Variants in ACTR10 observed in about 807,000 individuals in gnomAD.
ACTR10 encodes actin related protein 10.
In ACTR10, 43 loss-of-function variants were observed where a neutral mutation model predicts 56.2. That is an observed-to-expected ratio of 0.77 (90% CI 0.60 to 0.99). The LOEUF is 0.99. Among genes scored for constraint, ACTR10 ranks in the 50% least tolerant of loss-of-function variants. The pLI is 0.00. For synonymous variants in ACTR10, 170 were observed against 176.3 expected, an observed-to-expected ratio of 0.96 and a Z score of 0.28; for missense variants, 466 against 507.8, an observed-to-expected ratio of 0.92 and a Z score of 0.79.
intron 12 of ACTR10, among the ~76,000 whole-genome samples, chr14:58,233,666 G>T (rs1889598950): frequency 6.6e-6 from 1 of 152,128 alleles, no homozygotes; most frequent in African/African-American, 2.4e-5. Context: ...CCTAATCCCT[G>T]CATTGTTCAA....
At chr14:58,213,953 G>C (rs1311173265) in intron 6 of ACTR10, among the ~76,000 whole-genome samples, 1 of 152,174 alleles carries the variant, frequency 6.6e-6, no homozygotes, top group Non-Finnish European at 1.5e-5. Context: ...CATGCAATGA[G>C]AAATAAGCAC....
intron 8 of ACTR10, among the ~76,000 whole-genome samples, chr14:58,220,682 G>T (rs1300286789): frequency 6.6e-6 from 1 of 152,164 alleles, no homozygotes; most frequent in African/African-American, 2.4e-5. Context: ...ATTAGTCAGG[G>T]AGACATCAGA....
At position 58,223,607 on chromosome 14, in the gene ACTR10, T is replaced by C. The variant is rs936320763; in HGVS notation, c.635-15T>C. On this transcript the variant is annotated splice_polypyrimidine_tract_variant and intron_variant, in intron 8 of 12. Coordinates refer to ENST00000254286, the MANE Select transcript of ACTR10 (RefSeq NM_018477.3). The stretch of plus-strand genomic sequence containing the variant: ...AATAACTAGCCATAATAAGGTCTCC[T>C]TTTCTTCCTTAAAGCGCGTACTTGC... 3 of 1,601,380 alleles carry C rather than the reference T, an allele frequency of 1.9e-6. No individual in the cohort carries two copies. The highest frequency in any genetic ancestry group is 2.6e-6 in the Non-Finnish European group (3 of 1,174,684).
chr14:58,221,041 T>C (rs976856667), intron 8 of ACTR10, among the ~76,000 whole-genome samples: 2 of 152,040 alleles, frequency 1.3e-5, no homozygotes, highest in African/African-American at 2.4e-5. Context: ...CCCAGCACTT[T>C]GGGAGGCCGA....
intron 5 of ACTR10, among the ~76,000 whole-genome samples, chr14:58,212,335 G>A (rs1048461590): frequency 3.9e-5 from 6 of 152,142 alleles, no homozygotes; most frequent in Non-Finnish European, 7.4e-5. Context: ...ATTACTGACC[G>A]TATAAACTAG....
chr14:58,216,471 G>T (rs970590872), intron 7 of ACTR10, among the ~76,000 whole-genome samples: 1 of 152,136 alleles, frequency 6.6e-6, no homozygotes, highest in African/African-American at 2.4e-5. Flanking sequence ...TCTTTTGCTT[G>T]AGAATTTTTG....
intron 8 of ACTR10, among the ~76,000 whole-genome samples, chr14:58,221,447 A>G (rs997955019): frequency 6.6e-6 from 1 of 151,866 alleles, no homozygotes; most frequent in Non-Finnish European, 1.5e-5. Context: ...ACAAAAATTA[A>G]CCAGGTGTGG....
chr14:58,208,908 A>G, intron 3 of ACTR10, 91 bp from the exon 4 acceptor site: 2 of 767,066 alleles, frequency 2.6e-6, no homozygotes, highest in Non-Finnish European at 4.4e-6. Flanking sequence ...ATCTTAAGCT[A>G]AGGTAGTACA....
chr14:58,230,593 TCAA>T (rs1200551870), intron 11 of ACTR10, 113 bp downstream of exon 11: 3 of 449,856 alleles, frequency 6.7e-6, no homozygotes, highest in Non-Finnish European at 7.8e-6. Context: ...TTAATATGTG[TCAA>T]CAACTAATCT....
In ACTR10 at chr14:58,214,141, A is replaced by G. The variant is rs769937876; in HGVS notation, c.518+443A>G. Among the ~76,000 whole-genome samples the G allele has an allele frequency of 2.6e-4, 40 of 152,200 alleles. No individual in the cohort carries two copies. In the Middle Eastern group the frequency reaches 0.01, roughly 39 times the overall value. On this transcript the variant is annotated intron_variant, in intron 6 of 12. Coordinates refer to ENST00000254286, the MANE Select transcript of ACTR10 (RefSeq NM_018477.3). ...TTCTATTTTTTTGTACCCATTAATT[A>G]TCCTCACCTCCCTTGTATCCCTCCA...
intron 2 of ACTR10, among the ~76,000 whole-genome samples, chr14:58,203,298 G>A (rs576245936): frequency 7.8e-5 from 6 of 77,184 alleles, no homozygotes; most frequent in Non-Finnish European, 1.6e-4. Context: ...GCAAGACTTC[G>A]TCTCAAAAAA....
chr14:58,210,679 CT>C (rs200887449), intron 4 of ACTR10, among the ~76,000 whole-genome samples: 73 of 139,880 alleles, frequency 5.2e-4, no homozygotes, highest in Middle Eastern at 3.6e-3. Context: ...TTCTTTTTTT[CT>C]TTTTTTTTTT....
Position 58,234,889 on chromosome 14 carries a change from T to G in ACTR10, c.*338T>G, listed in dbSNP as rs533040372. Reference sequence around the variant, plus strand: ...TAGGCTGGAGTGCAGTGGCACAATCTCTACTCATTGCAAGCTCCGCCTCCC... The same window carrying G: ...TAGGCTGGAGTGCAGTGGCACAATCGCTACTCATTGCAAGCTCCGCCTCCC... On this transcript the variant is annotated 3_prime_UTR_variant, in exon 13 of 13. Coordinates refer to ENST00000254286, the MANE Select transcript of ACTR10 (RefSeq NM_018477.3). 1 of 153,342 alleles carries G rather than the reference T, an allele frequency of 6.5e-6. No individual in the cohort carries two copies. Among genetic ancestry groups the G allele is most frequent in the African/African-American group, 2.6e-5 (1 of 38,586 alleles). The allele number at this position is 153,342 out of a possible 1,614,324, so 9.5% of individuals were successfully genotyped here. A position where few individuals can be genotyped will look rare whatever the true frequency, so the allele number is the denominator to read the frequency against.
chr14:58,216,556 T>C (rs181904768), intron 7 of ACTR10, among the ~76,000 whole-genome samples: 1 of 152,344 alleles, frequency 6.6e-6, no homozygotes, highest in Non-Finnish European at 1.5e-5. Context: ...TTGTTCTACC[T>C]CTTATCCTTA....
rs577320255 is a variant in ACTR10 at position 58,219,785 on chromosome 14, A to G, written c.634+56A>G. On this transcript the variant is annotated intron_variant, in intron 8 of 12. Coordinates refer to ENST00000254286, the MANE Select transcript of ACTR10 (RefSeq NM_018477.3). ...ATCCTTAAGTGTTACTTTGGAGGGCATATGCTTCTAAACATTTACACAGAT... is the reference window on the plus strand; with the variant it reads ...ATCCTTAAGTGTTACTTTGGAGGGCGTATGCTTCTAAACATTTACACAGAT... 4.0e-4 allele frequency: 451 copies of G among 1,127,574 alleles called. 8 individuals are homozygous for G. The East Asian group carries it at 0.012, about 31-fold the overall frequency. 69.8% of individuals were successfully genotyped at this position (1,127,574 alleles called of 1,614,324 possible).
chr14:58,228,986 C>T (rs1889467514), intron 10 of ACTR10, among the ~76,000 whole-genome samples: 1 of 151,916 alleles, frequency 6.6e-6, no homozygotes, highest in African/African-American at 2.4e-5. Flanking sequence ...AGAGAGGTCC[C>T]ATATACCCTT....
At chr14:58,223,525 A>G in intron 8 of ACTR10, 97 bp from the exon 9 acceptor site, 2 of 877,088 alleles carry the variant, frequency 2.3e-6, no homozygotes, top group Non-Finnish European at 3.6e-6. Flanking sequence ...GATGATGAGC[A>G]TGTTCACTTG....
At chr14:58,221,584 A>G (rs1878625413) in intron 8 of ACTR10, among the ~76,000 whole-genome samples, 1 of 152,080 alleles carries the variant, frequency 6.6e-6, no homozygotes, top group South Asian at 2.1e-4. Context: ...TGGGTGACAG[A>G]GCAAAACTGT....
intron 6 of ACTR10, 86 bp from the exon 7 acceptor site, chr14:58,215,116 CATA>C: frequency 2.5e-6 from 2 of 808,680 alleles, no homozygotes; most frequent in Non-Finnish European, 1.9e-6. Context: ...AAAAAAAAAT[CATA>C]ATAATCTATT....
Sources: allele counts gnomAD v4.1 joint callset (sites outside exome capture counted in the v4.1 genomes callset), GRCh38; gene constraint gnomAD v4.1.1; transcripts MANE v1.5; gene names NCBI Gene and HGNC (gene_info 2026-07-23, HGNC 2026-07-21).